MLLT3: variants seen among roughly 807,000 people sequenced by gnomAD.
MLLT3 encodes the protein MLLT3 super elongation complex subunit.
A neutral mutation model predicts 53.2 loss-of-function variants in MLLT3; 4 were observed. The observed-to-expected ratio is 0.08, with a 90% confidence interval of 0.04 to 0.17. The LOEUF is 0.17. Among genes scored for constraint, MLLT3 ranks in the 10% least tolerant of loss-of-function variants. MLLT3 has a pLI of 1.00. For synonymous variants in MLLT3, 283 were observed against 230.6 expected (o/e 1.23, Z -2.06); for missense variants, 569 against 684.0 (o/e 0.83, Z 1.87).
At chr9:20,619,541 T>C (rs979046530) in intron 2 of MLLT3, among the ~76,000 whole-genome samples, 3 of 152,184 alleles carry the variant, frequency 2.0e-5, no homozygotes, top group African/African-American at 7.2e-5. Context: ...CGACAGGAGT[T>C]CTAGATGCCA....
intron 2 of MLLT3, among the ~76,000 whole-genome samples, chr9:20,461,319 T>C (rs1442166394): frequency 1.3e-5 from 2 of 152,102 alleles, no homozygotes; most frequent in Non-Finnish European, 2.9e-5. Context: ...CAATAACCTA[T>C]TTAATTTTTA....
rs1233256704 is a variant in MLLT3 at position 20,343,638 on chromosome 9, G to C, written c.*2805C>G. On this transcript the variant is annotated 3_prime_UTR_variant, in exon 11 of 11. Transcript: ENST00000380338. ...ATTTTTTCCCCTGGCTGATCACTGA[G>C]GAAAAATTTTTTAAAAGTTTATCAT... The C allele has an allele frequency of 8.8e-6, 2 of 227,478 alleles. No homozygotes were observed. The highest frequency in any genetic ancestry group is 1.1e-4 in the Admixed American group (2 of 17,570). 14.1% of individuals were successfully genotyped at this position (227,478 alleles called of 1,614,324 possible). A position where few individuals can be genotyped will look rare whatever the true frequency, so the allele number is the denominator to read the frequency against.
chr9:20,381,226 C>T (rs892973541), intron 5 of MLLT3, among the ~76,000 whole-genome samples: 4 of 151,802 alleles, frequency 2.6e-5, no homozygotes, highest in Admixed American at 6.6e-5. Context: ...ACAATTTTAT[C>T]GGGATTAGCA....
chr9:20,442,537 T>C (rs771360940), intron 4 of MLLT3, among the ~76,000 whole-genome samples: 1 of 152,112 alleles, frequency 6.6e-6, no homozygotes, highest in Non-Finnish European at 1.5e-5. Context: ...ATCCATACAG[T>C]TGAGAAATTA....
chr9:20,582,631 G>A (rs1011313288), intron 2 of MLLT3, among the ~76,000 whole-genome samples: 1 of 152,118 alleles, frequency 6.6e-6, no homozygotes, highest in Non-Finnish European at 1.5e-5. Flanking sequence ...AGTTCCATAT[G>A]GCTGCGGAGG....
chr9:20,453,398 A>C (rs1823885238), intron 3 of MLLT3, among the ~76,000 whole-genome samples: 1 of 152,030 alleles, frequency 6.6e-6, no homozygotes, highest in African/African-American at 2.4e-5. Context: ...CTGTCTCTAC[A>C]AAAATTACAA....
At chr9:20,557,361 G>A (rs1343683940) in intron 2 of MLLT3, among the ~76,000 whole-genome samples, 1 of 152,092 alleles carries the variant, frequency 6.6e-6, no homozygotes, top group Non-Finnish European at 1.5e-5. Flanking sequence ...ATCTCTCTGT[G>A]GTCCAATTTC....
intron 10 of MLLT3, among the ~76,000 whole-genome samples, chr9:20,348,546 T>A (rs143902771): frequency 1.3e-5 from 2 of 152,342 alleles, no homozygotes; most frequent in African/African-American, 4.8e-5. Context: ...TGGCATCTTT[T>A]AAGCCACTAT....
chr9:20,590,528 T>C (rs1432906305), intron 2 of MLLT3, among the ~76,000 whole-genome samples: 46 of 152,186 alleles, frequency 3.0e-4, no homozygotes, highest in Admixed American at 2.6e-3. Flanking sequence ...CTCGTGTTCA[T>C]TGTCTGTCTG....
At chr9:20,375,550 T>C (rs555825216) in intron 5 of MLLT3, among the ~76,000 whole-genome samples, 1 of 152,076 alleles carries the variant, frequency 6.6e-6, no homozygotes, top group South Asian at 2.1e-4. Flanking sequence ...GTCCAATCAA[T>C]ATTACAATGA....
chr9:20,515,935 A>G (rs569217343), intron 2 of MLLT3, among the ~76,000 whole-genome samples: 7 of 152,182 alleles, frequency 4.6e-5, no homozygotes, highest in Admixed American at 6.5e-5. Context: ...AGCAACATCT[A>G]TTTGCTTTTA....
chr9:20,586,836 G>T (rs1352518979), intron 2 of MLLT3, among the ~76,000 whole-genome samples: 1 of 152,026 alleles, frequency 6.6e-6, no homozygotes. Flanking sequence ...AGAAAAAAGA[G>T]CAAAAATAAG....
chr9:20,522,262 C>T (rs1197626060), intron 2 of MLLT3, among the ~76,000 whole-genome samples: 4 of 146,738 alleles, frequency 2.7e-5, no homozygotes, highest in African/African-American at 7.6e-5. Flanking sequence ...CCAAAGTCAT[C>T]CCTTCCAGCT....
intron 10 of MLLT3, among the ~76,000 whole-genome samples, chr9:20,352,446 A>C (rs1269846144): frequency 1.3e-5 from 2 of 152,228 alleles, no homozygotes; most frequent in Admixed American, 1.3e-4. Flanking sequence ...GAAGAATATT[A>C]GCAAAGTACT....
intron 2 of MLLT3, among the ~76,000 whole-genome samples, chr9:20,588,755 G>A (rs139880588): frequency 0.044 from 6,646 of 152,124 alleles, 190 homozygotes; most frequent in South Asian, 0.068. Flanking sequence ...GAGACAATGG[G>A]GTTTTCTAGA....
chr9:20,605,633 T>C (rs184348771), intron 2 of MLLT3, among the ~76,000 whole-genome samples: 3 of 152,138 alleles, frequency 2.0e-5, no homozygotes, highest in African/African-American at 7.2e-5. Context: ...TAAAGAACAA[T>C]TTTAATCCAG....
At chr9:20,609,834 G>C (rs113338663) in intron 2 of MLLT3, among the ~76,000 whole-genome samples, 2,126 of 152,098 alleles carry the variant, frequency 0.014, 53 homozygotes, top group African/African-American at 0.049. Flanking sequence ...CCATAAGAAA[G>C]GATAAAATTC....
At chr9:20,622,127 C>A (rs555810827) in intron 1 of MLLT3, 118 bp downstream of exon 1, 1 of 1,198,644 alleles carries the variant, frequency 8.3e-7, no homozygotes, top group South Asian at 1.4e-5. Flanking sequence ...CCCTGCAAGC[C>A]GTACCAACCT....
intron 2 of MLLT3, among the ~76,000 whole-genome samples, chr9:20,602,656 T>C (rs1287748592): frequency 6.6e-6 from 1 of 151,988 alleles, no homozygotes; most frequent in East Asian, 1.9e-4. Flanking sequence ...TGTTAAGTCC[T>C]CATAGAGACA....
Sources: gnomAD v4.1 joint callset for allele counts (sites outside exome capture counted in the v4.1 genomes callset) on GRCh38, gnomAD v4.1.1 for gene constraint, MANE v1.5 for transcripts, NCBI Gene and HGNC (gene_info 2026-07-23, HGNC 2026-07-21) for gene names.